Variants in CHLSN observed in about 807,000 individuals in gnomAD.
CHLSN encodes protein cholesin.
the CHLSN span, chr7:985,433 A>G: frequency 7.9e-7 from 1 of 1,259,190 alleles, no homozygotes; most frequent in Non-Finnish European, 1.1e-6. Context: ...CGGCCCTCCC[A>G]CCTTGCAAAA....
At chr7:1,075,507 CAGCT>C in the CHLSN span, among the ~76,000 whole-genome samples, 1 of 149,674 alleles carries the variant, frequency 6.7e-6, no homozygotes, top group East Asian at 2.0e-4. Context: ...CTGGGTGACA[CAGCT>C]AGATTCTGTC....
At chr7:1,134,608 C>A in the CHLSN span, among the ~76,000 whole-genome samples, 61 of 151,656 alleles carry the variant, frequency 4.0e-4, no homozygotes, top group African/African-American at 1.4e-3. Context: ...GTGGCTCACG[C>A]CTATAATCCC....
chr7:1,009,016 T>C, the CHLSN span, among the ~76,000 whole-genome samples: 6 of 134,988 alleles, frequency 4.4e-5, 1 homozygote, highest in South Asian at 4.6e-4. Flanking sequence ...CACACACACA[T>C]ACACATGCAC....
chr7:1,077,833 C>T, the CHLSN span: 1 of 152,266 alleles, frequency 6.6e-6, no homozygotes. Context: ...AAGGGCGGGC[C>T]TCGGTGCCAC....
At chr7:988,526 T>C in the CHLSN span, 1 of 1,597,172 alleles carries the variant, frequency 6.3e-7, no homozygotes, top group East Asian at 2.2e-5. Context: ...TCTCAGGTTC[T>C]GAAGGCGGCT....
the CHLSN span, among the ~76,000 whole-genome samples, chr7:1,015,293 C>T: frequency 6.6e-6 from 1 of 152,132 alleles, no homozygotes; most frequent in East Asian, 1.9e-4. Flanking sequence ...GCTCCCCGTC[C>T]CCCGGGCATG....
chr7:1,109,224 T>C, the CHLSN span: 1 of 152,204 alleles, frequency 6.6e-6, no homozygotes, highest in Non-Finnish European at 1.5e-5. Context: ...GAAGGGACGA[T>C]TTCCCATGTT....
At chr7:1,087,844 C>T in the CHLSN span, among the ~76,000 whole-genome samples, 1 of 152,166 alleles carries the variant, frequency 6.6e-6, no homozygotes, top group East Asian at 1.9e-4. Context: ...CAGGTTATTG[C>T]CTAAAAGATA....
At chr7:1,106,295 T>C in the CHLSN span, among the ~76,000 whole-genome samples, 1 of 152,098 alleles carries the variant, frequency 6.6e-6, no homozygotes, top group Non-Finnish European at 1.5e-5. Flanking sequence ...CTCAAGGGTG[T>C]GTGTGTCTGG....
At chr7:1,107,686 A>G in the CHLSN span, among the ~76,000 whole-genome samples, 1 of 152,252 alleles carries the variant, frequency 6.6e-6, no homozygotes, top group African/African-American at 2.4e-5. Flanking sequence ...ACAGTCTGCA[A>G]GTTCTTCCCT....
the CHLSN span, chr7:1,092,941 T>C: frequency 1.6e-6 from 2 of 1,284,852 alleles, no homozygotes; most frequent in Non-Finnish European, 2.2e-6. Flanking sequence ...CCACGTCATG[T>C]CTCTAAACTG....
the CHLSN span, chr7:1,127,401 G>C: frequency 2.5e-6 from 4 of 1,592,270 alleles, no homozygotes; most frequent in Non-Finnish European, 3.4e-6. Context: ...AACAGAGAAA[G>C]TAAATTGCTG....
chr7:1,058,831 TAG>T, the CHLSN span: 3 of 372,680 alleles, frequency 8.0e-6, no homozygotes, highest in Non-Finnish European at 1.5e-5. Flanking sequence ...GATGAAAGCT[TAG>T]AGCCAGTATT....
At chr7:1,078,662 T>G in the CHLSN span, among the ~76,000 whole-genome samples, 1 of 152,082 alleles carries the variant, frequency 6.6e-6, no homozygotes, top group Non-Finnish European at 1.5e-5. Context: ...GGTTGGCTAG[T>G]CTGCAGGATC....
chr7:1,002,963 GA>G, the CHLSN span, among the ~76,000 whole-genome samples: 11 of 96,558 alleles, frequency 1.1e-4, no homozygotes, highest in African/African-American at 1.8e-4. Flanking sequence ...TCCTGTGGGT[GA>G]GTGGAGTCCT....
At chr7:1,080,935 G>A in the CHLSN span, 29,115 of 152,534 alleles carry the variant, frequency 0.19, 3,208 homozygotes, top group Middle Eastern at 0.31. Context: ...TAAGGTCGGG[G>A]AGAAGGTGCC....
the CHLSN span, among the ~76,000 whole-genome samples, chr7:1,027,640 A>T: frequency 6.6e-6 from 1 of 152,260 alleles, no homozygotes; most frequent in Non-Finnish European, 1.5e-5. Flanking sequence ...TTTCATCATG[A>T]GTCTTTGCTT....
chr7:1,091,985 G>GCTTC, the CHLSN span: 1 of 1,614,102 alleles, frequency 6.2e-7, no homozygotes, highest in Non-Finnish European at 8.5e-7. Context: ...GTGAACATCA[G>GCTTC]CTTCCGCGAG....
At chr7:1,032,048 G>C in the CHLSN span, among the ~76,000 whole-genome samples, 1 of 152,154 alleles carries the variant, frequency 6.6e-6, no homozygotes, top group Non-Finnish European at 1.5e-5. Context: ...AACATTCTGA[G>C]TCATTCAAAA....
Sources: gnomAD v4.1 joint callset for allele counts (sites outside exome capture counted in the v4.1 genomes callset) on GRCh38, gnomAD v4.1.1 for gene constraint, MANE v1.5 for transcripts, NCBI Gene and HGNC (gene_info 2026-07-23, HGNC 2026-07-21) for gene names.